Variants in ARHGAP6 observed in about 807,000 individuals in gnomAD.
ARHGAP6 encodes the protein Rho GTPase activating protein 6, also known as rho GTPase-activating protein 6.
A neutral mutation model predicts 55.7 loss-of-function variants in ARHGAP6; 16 were observed. That is an observed-to-expected ratio of 0.29 (90% CI 0.19 to 0.44). ARHGAP6 has a LOEUF of 0.44. Ranked by LOEUF, ARHGAP6 falls within the 20% of genes least tolerant of loss-of-function variation. The pLI is 1.00. For synonymous variants in ARHGAP6, 382 were observed against 360.9 expected, an observed-to-expected ratio of 1.06 and a Z score of -0.66; for missense variants, 698 against 808.9, an observed-to-expected ratio of 0.86 and a Z score of 1.66.
chrX:11,520,349 C>T (rs780860082), intron 1 of ARHGAP6, among the ~76,000 whole-genome samples: 84 of 100,367 alleles, frequency 8.4e-4, no homozygotes, highest in African/African-American at 2.9e-3. Context: ...GTGTGATGTT[C>T]CCCTTCCTGT....
In ARHGAP6 at chrX:11,260,836, T is replaced by C. The variant is rs1473830228; in HGVS notation, c.589-6129A>G. On this transcript the variant is annotated intron_variant, in intron 1 of 12. Transcript: ENST00000337414. Reference sequence around the variant, plus strand: ...GGCTGTTGTTTGCCAACCCCTGATATGGAGATTAGGGTCATGTAGTGCCCT... The same window carrying C: ...GGCTGTTGTTTGCCAACCCCTGATACGGAGATTAGGGTCATGTAGTGCCCT... Among the ~76,000 whole-genome samples, 5 of 111,946 alleles carry C rather than the reference T, an allele frequency of 4.5e-5. No individual in the cohort carries two copies. The East Asian group carries it at 1.4e-3, about 31-fold the overall frequency.
intron 2 of ARHGAP6, among the ~76,000 whole-genome samples, chrX:11,225,266 G>C (rs930030694): frequency 9.0e-6 from 1 of 110,612 alleles, no homozygotes; most frequent in African/African-American, 3.3e-5. Context: ...AATCATTGTT[G>C]GAAGGTTCAT....
intron 1 of ARHGAP6, among the ~76,000 whole-genome samples, chrX:11,363,592 G>A (rs1219885123): frequency 9.0e-6 from 1 of 111,715 alleles, no homozygotes; most frequent in Admixed American, 9.5e-5. Context: ...TTAGTAAGAG[G>A]GAATTGATGA....
intron 1 of ARHGAP6, among the ~76,000 whole-genome samples, chrX:11,540,846 G>A (rs1318512582): frequency 1.8e-5 from 2 of 112,200 alleles, no homozygotes; most frequent in Non-Finnish European, 3.8e-5. Flanking sequence ...ATTTAAGAAC[G>A]GCATGGAAGT....
chrX:11,578,184 C>T (rs1027139570), intron 1 of ARHGAP6, among the ~76,000 whole-genome samples: 29 of 111,410 alleles, frequency 2.6e-4, no homozygotes, highest in African/African-American at 9.5e-4. Context: ...GGTCCCAGGG[C>T]CCCTGCAGCC....
chrX:11,415,457 A>G (rs976018119), intron 1 of ARHGAP6, among the ~76,000 whole-genome samples: 3 of 112,300 alleles, frequency 2.7e-5, no homozygotes, highest in Non-Finnish European at 5.6e-5. Flanking sequence ...CTGACGAAAC[A>G]GAAAAAGAAA....
chrX:11,315,260 T>G (rs1384045411), intron 1 of ARHGAP6, among the ~76,000 whole-genome samples: 1 of 112,449 alleles, frequency 8.9e-6, no homozygotes, highest in Non-Finnish European at 1.9e-5. Context: ...GCGGCGGGGA[T>G]GGTTTCAGCA....
intron 1 of ARHGAP6, among the ~76,000 whole-genome samples, chrX:11,442,658 G>A (rs1262372731): frequency 8.9e-6 from 1 of 112,415 alleles, no homozygotes; most frequent in Non-Finnish European, 1.9e-5. Flanking sequence ...CCAGGAGCAC[G>A]CAGTCTGCTC....
At chrX:11,179,535 G>C in intron 6 of ARHGAP6, 83 bp from the exon 7 acceptor site, 1 of 1,085,458 alleles carries the variant, frequency 9.2e-7, no homozygotes, top group Non-Finnish European at 1.2e-6. Context: ...GCTGTGACAC[G>C]TAGCATCTGG....
intron 2 of ARHGAP6, among the ~76,000 whole-genome samples, chrX:11,216,440 G>A (rs745452191): frequency 9.0e-6 from 1 of 111,465 alleles, no homozygotes; most frequent in African/African-American, 3.3e-5. Context: ...AATCACTTGA[G>A]GTCAGGAGTT....
intron 1 of ARHGAP6, among the ~76,000 whole-genome samples, chrX:11,264,455 G>A (rs750759167): frequency 9.5e-4 from 106 of 111,646 alleles, no homozygotes; most frequent in African/African-American, 3.3e-3. Flanking sequence ...GCATAGAGGG[G>A]ACATACTGGA....
rs76166465 is a variant in ARHGAP6 at position 11,178,483 on chromosome X, TAA to T, written c.1481-237_1481-236del. The stretch of plus-strand genomic sequence containing the variant: ...CCTAGAAAAATAACTGTAATCCAGG[TAA>T]AAAAAAAAAAAAGGTAACTCAATTT... On this transcript the variant is annotated intron_variant, in intron 7 of 12. Coordinates refer to ENST00000337414, the MANE Select transcript of ARHGAP6 (RefSeq NM_013427.3). 5.6e-3 allele frequency among the ~76,000 whole-genome samples: 540 copies of T among 96,741 alleles called. 4 individuals carry two copies. Among genetic ancestry groups the T allele is most frequent in the African/African-American group, 0.016 (420 of 26,533 alleles). The allele number at this position is 96,741 out of a possible 115,157, so 84.0% of individuals were successfully genotyped here. A position where few individuals can be genotyped will look rare whatever the true frequency, so the allele number is the denominator to read the frequency against.
At chrX:11,358,788 A>G (rs1603124871) in intron 1 of ARHGAP6, among the ~76,000 whole-genome samples, 1 of 111,387 alleles carries the variant, frequency 9.0e-6, no homozygotes, top group South Asian at 3.7e-4. Context: ...GGCCTTAACT[A>G]TATCTTAATT....
chrX:11,589,461 T>C (rs79283065), intron 1 of ARHGAP6, among the ~76,000 whole-genome samples: 1 of 106,858 alleles, frequency 9.4e-6, no homozygotes, highest in Non-Finnish European at 1.9e-5. Flanking sequence ...GAAGACTGCA[T>C]GGAAAGACAC....
intron 1 of ARHGAP6, among the ~76,000 whole-genome samples, chrX:11,471,770 T>C (rs2050349238): frequency 9.0e-6 from 1 of 111,413 alleles, no homozygotes; most frequent in East Asian, 2.8e-4. Context: ...GGAAGGACAA[T>C]GTAATAGTCT....
intron 1 of ARHGAP6, among the ~76,000 whole-genome samples, chrX:11,522,647 A>G (rs781071616): frequency 1.2e-4 from 13 of 111,987 alleles, no homozygotes; most frequent in African/African-American, 4.2e-4. Context: ...AGAAATGGAT[A>G]AATTCCTGGG....
intron 2 of ARHGAP6, among the ~76,000 whole-genome samples, chrX:11,245,274 G>A (rs781372592): frequency 1.5e-4 from 17 of 111,615 alleles, no homozygotes; most frequent in Non-Finnish European, 2.1e-4. Context: ...ATCCTCTATC[G>A]CAGCTAGACC....
chrX:11,406,217 A>G (rs933681461), intron 1 of ARHGAP6, among the ~76,000 whole-genome samples: 3 of 110,781 alleles, frequency 2.7e-5, no homozygotes, highest in African/African-American at 9.9e-5. Flanking sequence ...TAAAGATTAT[A>G]AAGTACTCGC....
At chrX:11,631,132 T>C (rs1247463907) in intron 1 of ARHGAP6, among the ~76,000 whole-genome samples, 1 of 111,392 alleles carries the variant, frequency 9.0e-6, no homozygotes, top group Non-Finnish European at 1.9e-5. Context: ...TCTACAATCA[T>C]TTCAAATATG....
Sources: gnomAD v4.1 joint callset for allele counts (sites outside exome capture counted in the v4.1 genomes callset) on GRCh38, gnomAD v4.1.1 for gene constraint, MANE v1.5 for transcripts, NCBI Gene and HGNC (gene_info 2026-07-23, HGNC 2026-07-21) for gene names.